Variants in TMEM132D observed in about 807,000 individuals in gnomAD.
The protein encoded by TMEM132D is transmembrane protein 132D, also known as mature OL transmembrane protein.
TMEM132D carries 21 observed loss-of-function variants against 62.3 expected under a neutral mutation model. That is an observed-to-expected ratio of 0.34 (90% CI 0.24 to 0.49). TMEM132D has a LOEUF of 0.49. Among genes scored for constraint, TMEM132D ranks in the 20% least tolerant of loss-of-function variants. The pLI, the probability that TMEM132D is intolerant of heterozygous loss-of-function variation, is 0.99. For synonymous variants in TMEM132D, 621 were observed against 575.6 expected, an observed-to-expected ratio of 1.08 and a Z score of -1.13; for missense variants, 1,346 against 1,402.8, an observed-to-expected ratio of 0.96 and a Z score of 0.65.
At chr12:129,357,784 C>G (rs1030523767) in intron 3 of TMEM132D, among the ~76,000 whole-genome samples, 1 of 152,128 alleles carries the variant, frequency 6.6e-6, no homozygotes, top group African/African-American at 2.4e-5. Flanking sequence ...CGTCAATCTT[C>G]GTCGGCAATG....
chr12:129,780,617 A>G (rs568821841), intron 1 of TMEM132D, among the ~76,000 whole-genome samples: 1 of 152,106 alleles, frequency 6.6e-6, no homozygotes, highest in Admixed American at 6.5e-5. Flanking sequence ...AGGGCACTTG[A>G]GTTTATGACC....
chr12:129,446,974 G>A (rs145739780), intron 3 of TMEM132D, among the ~76,000 whole-genome samples: 1 of 152,310 alleles, frequency 6.6e-6, no homozygotes, highest in African/African-American at 2.4e-5. Context: ...ACCACACAGA[G>A]CATTATCTAA....
chr12:129,253,543 G>C (rs542110055), intron 4 of TMEM132D, among the ~76,000 whole-genome samples: 1 of 152,288 alleles, frequency 6.6e-6, no homozygotes, highest in East Asian at 1.9e-4. Flanking sequence ...AATATTTCTT[G>C]ATCAACTGTG....
chr12:129,800,824 G>A (rs1234672151), intron 1 of TMEM132D, among the ~76,000 whole-genome samples: 1 of 152,122 alleles, frequency 6.6e-6, no homozygotes, highest in Non-Finnish European at 1.5e-5. Flanking sequence ...TCACTAGGGA[G>A]TGCCAGACAG....
At position 129,248,881 on chromosome 12, in the gene TMEM132D, CT is replaced by C. The variant is rs1231394278; in HGVS notation, c.1300-39219del. On this transcript the variant is annotated intron_variant, in intron 4 of 8. Coordinates refer to ENST00000422113, the MANE Select transcript of TMEM132D (RefSeq NM_133448.3). ...TTCCTGAAAAGGACATAGTCTTGTT[CT>C]TTTTTTATGGTTGCATAGTATTCCA... Among the ~76,000 whole-genome samples, 7 of 152,150 alleles carry C rather than the reference CT, an allele frequency of 4.6e-5. No homozygotes were observed. In the South Asian group the frequency reaches 8.3e-4, roughly 18 times the overall value.
intron 5 of TMEM132D, among the ~76,000 whole-genome samples, chr12:129,105,565 A>G (rs984645199): frequency 1.5e-5 from 2 of 131,234 alleles, no homozygotes; most frequent in Admixed American, 1.5e-4. Context: ...AAAAGAAAAA[A>G]AAAAGAAAAA....
chr12:129,877,628 C>CACAG (rs869172595), intron 1 of TMEM132D, among the ~76,000 whole-genome samples: 1 of 146,854 alleles, frequency 6.8e-6, no homozygotes, highest in African/African-American at 2.6e-5. Flanking sequence ...CACACACACA[C>CACAG]AGAGAGAGAG....
At chr12:129,225,044 G>C (rs978590078) in intron 4 of TMEM132D, among the ~76,000 whole-genome samples, 3 of 152,140 alleles carry the variant, frequency 2.0e-5, no homozygotes, top group African/African-American at 7.2e-5. Context: ...GGGCCAGACA[G>C]CCTGGCTTTG....
intron 4 of TMEM132D, among the ~76,000 whole-genome samples, chr12:129,235,505 G>A (rs1396885433): frequency 6.6e-6 from 1 of 151,958 alleles, no homozygotes; most frequent in Non-Finnish European, 1.5e-5. Flanking sequence ...ATGATGTTGA[G>A]ATTAATCCTT....
intron 4 of TMEM132D, among the ~76,000 whole-genome samples, chr12:129,227,453 T>C (rs914888764): frequency 6.7e-6 from 1 of 149,656 alleles, no homozygotes; most frequent in Non-Finnish European, 1.5e-5. Flanking sequence ...TACATCCTTC[T>C]CTTCATTAAT....
chr12:129,203,791 G>A (rs1878770630), intron 5 of TMEM132D, among the ~76,000 whole-genome samples: 1 of 152,228 alleles, frequency 6.6e-6, no homozygotes, highest in Admixed American at 6.5e-5. Context: ...GAGCATATGG[G>A]CAGCAGATTA....
chr12:129,095,346 GTTTTT>G (rs34044401), intron 5 of TMEM132D, among the ~76,000 whole-genome samples: 1 of 105,354 alleles, frequency 9.5e-6, no homozygotes, highest in Non-Finnish European at 1.8e-5. Flanking sequence ...ATGCCTGCTG[GTTTTT>G]TTTTTTTTTT....
chr12:129,825,961 G>A (rs1872652270), intron 1 of TMEM132D, among the ~76,000 whole-genome samples: 2 of 152,128 alleles, frequency 1.3e-5, no homozygotes, highest in African/African-American at 4.8e-5. Flanking sequence ...CTATTCATGA[G>A]GCTGAGGCAG....
At chr12:129,766,634 C>T (rs1171328285) in intron 1 of TMEM132D, among the ~76,000 whole-genome samples, 3 of 152,118 alleles carry the variant, frequency 2.0e-5, no homozygotes, top group African/African-American at 7.2e-5. Flanking sequence ...GGAGATAATG[C>T]TTGTCTCCAG....
At chr12:129,878,808 A>G (rs944605475) in intron 1 of TMEM132D, among the ~76,000 whole-genome samples, 3 of 152,078 alleles carry the variant, frequency 2.0e-5, no homozygotes, top group African/African-American at 7.2e-5. Context: ...ACCTCAAGTG[A>G]TCCACCTGCC....
intron 3 of TMEM132D, among the ~76,000 whole-genome samples, chr12:129,430,550 G>C (rs1293208495): frequency 6.6e-6 from 1 of 152,034 alleles, no homozygotes; most frequent in Non-Finnish European, 1.5e-5. Flanking sequence ...CGATACTCCT[G>C]CCTGGAACTC....
intron 1 of TMEM132D, among the ~76,000 whole-genome samples, chr12:129,855,349 CGGGGG>C (rs1242190881): frequency 1.1e-4 from 5 of 47,524 alleles, no homozygotes; most frequent in Admixed American, 4.9e-4. Flanking sequence ...TAACAGAGTC[CGGGGG>C]AACGGGATGG....
At chr12:129,557,135 C>A (rs1051623059) in intron 2 of TMEM132D, among the ~76,000 whole-genome samples, 1 of 152,024 alleles carries the variant, frequency 6.6e-6, no homozygotes, top group East Asian at 1.9e-4. Context: ...AGTTTTATAG[C>A]GGTTTACTTT....
At chr12:129,863,251 AT>A (rs1488214460) in intron 1 of TMEM132D, among the ~76,000 whole-genome samples, 4 of 152,052 alleles carry the variant, frequency 2.6e-5, no homozygotes, top group Admixed American at 1.3e-4. Flanking sequence ...GTGCTAAGGA[AT>A]CAGCTAGCCA....
Sources: gnomAD v4.1 joint callset for allele counts (sites outside exome capture counted in the v4.1 genomes callset) on GRCh38, gnomAD v4.1.1 for gene constraint, MANE v1.5 for transcripts, NCBI Gene and HGNC (gene_info 2026-07-23, HGNC 2026-07-21) for gene names.